SLC22A15: variants seen among roughly 807,000 people sequenced by gnomAD.
The protein encoded by SLC22A15 is flipt 1.
SLC22A15 carries 45 observed loss-of-function variants against 62.7 expected under a neutral mutation model. The observed-to-expected ratio is 0.72, with a 90% CI of 0.56 to 0.92. SLC22A15 has a LOEUF of 0.92. Ranked by LOEUF, SLC22A15 falls within the 40% of genes least tolerant of loss-of-function variation. The probability of loss-of-function intolerance (pLI) is 0.00; values close to 1 mark genes in which losing one functional copy is unlikely to be tolerated. For synonymous variants in SLC22A15, 264 were observed against 267.0 expected, an observed-to-expected ratio of 0.99 and a Z score of 0.11; for missense variants, 622 against 665.6, an observed-to-expected ratio of 0.93 and a Z score of 0.72.
At chr1:116,045,854 C>T (rs1657917665) in intron 8 of SLC22A15, among the ~76,000 whole-genome samples, 1 of 150,806 alleles carries the variant, frequency 6.6e-6, no homozygotes, top group African/African-American at 2.4e-5. Flanking sequence ...AATAGAACCA[C>T]ATATATGGTC....
chr1:116,052,412 A>G (rs1005387391), intron 8 of SLC22A15, among the ~76,000 whole-genome samples: 2 of 152,234 alleles, frequency 1.3e-5, no homozygotes, highest in African/African-American at 4.8e-5. Flanking sequence ...AACTGGGTGG[A>G]GCCCACCACA....
chr1:116,013,133 AC>A (rs531897980), intron 2 of SLC22A15, among the ~76,000 whole-genome samples: 16 of 152,044 alleles, frequency 1.1e-4, no homozygotes, highest in Admixed American at 1.3e-4. Flanking sequence ...TTTTCAACTT[AC>A]CATATTTTCA....
At chr1:116,036,308 C>T (rs953803152) in intron 7 of SLC22A15, among the ~76,000 whole-genome samples, 2 of 152,154 alleles carry the variant, frequency 1.3e-5, no homozygotes, top group Admixed American at 6.6e-5. Flanking sequence ...TATAAGGAAG[C>T]CGTCCATGGG....
intron 8 of SLC22A15, among the ~76,000 whole-genome samples, chr1:116,038,216 G>A (rs1657683785): frequency 6.6e-6 from 1 of 152,160 alleles, no homozygotes; most frequent in African/African-American, 2.4e-5. Context: ...ATAGGGTTCT[G>A]TTATGGAGCT....
At position 116,062,853 on chromosome 1, in the gene SLC22A15, C is replaced by T; in HGVS notation, c.1263C>T (p.Tyr421=). ...CTGCCTTTAACATTGTTTATATCTA[C>T]ACCTCTGAGCTTTACCCTACAGTCA... The part of the protein sequence containing the change: ...ISAAFNIVYI[Y]TSELYPTVIR... The change falls in exon 9 of 12, where the codon TAC becomes TAT. Residue 421 remains tyrosine (Y), a synonymous_variant. Transcript: ENST00000369503. The T allele has an allele frequency of 6.2e-7, 1 of 1,613,868 alleles. No homozygotes were observed. The highest frequency in any genetic ancestry group is 8.5e-7 in the Non-Finnish European group (1 of 1,179,770).
chr1:115,992,702 A>G (rs1192712054), intron 2 of SLC22A15, among the ~76,000 whole-genome samples: 1 of 150,340 alleles, frequency 6.7e-6, no homozygotes, highest in Non-Finnish European at 1.5e-5. Context: ...GCTCACTGCA[A>G]CCTCTGCCTC....
At chr1:116,060,868 C>A (rs1395582077) in intron 8 of SLC22A15, among the ~76,000 whole-genome samples, 1 of 152,158 alleles carries the variant, frequency 6.6e-6, no homozygotes, top group Non-Finnish European at 1.5e-5. Context: ...AATAGCCTGG[C>A]AGAAGAGTTT....
intron 2 of SLC22A15, among the ~76,000 whole-genome samples, chr1:116,004,700 T>C (rs1301908982): frequency 6.6e-6 from 1 of 152,242 alleles, no homozygotes; most frequent in Non-Finnish European, 1.5e-5. Context: ...ATAAAATGAA[T>C]TGGAAAGTGT....
At chr1:116,044,388 C>A (rs777685441) in intron 8 of SLC22A15, among the ~76,000 whole-genome samples, 1 of 152,170 alleles carries the variant, frequency 6.6e-6, no homozygotes, top group African/African-American at 2.4e-5. Flanking sequence ...CAGGAATTTT[C>A]TTAACTTGAT....
At position 116,067,160 on chromosome 1, in the gene SLC22A15, C is replaced by A; in HGVS notation, c.*52C>A. The A allele has an allele frequency of 7.1e-7, 1 of 1,412,092 alleles. No homozygotes were observed. Among genetic ancestry groups the A allele is most frequent in the Non-Finnish European group, 9.9e-7 (1 of 1,011,364 alleles). 87.5% of individuals were successfully genotyped at this position (1,412,092 alleles called of 1,614,324 possible). A position where few individuals can be genotyped will look rare whatever the true frequency, so the allele number is the denominator to read the frequency against. The stretch of plus-strand genomic sequence containing the variant: ...AAAGGATCGTCTTTTATGCCTCTGG[C>A]TAAGGCAGGTTCTTCCATGACTCCT... On this transcript the variant is annotated 3_prime_UTR_variant, in exon 12 of 12. Transcript: ENST00000369503.
At chr1:116,027,933 T>A (rs1657182986) in intron 5 of SLC22A15, among the ~76,000 whole-genome samples, 1 of 152,186 alleles carries the variant, frequency 6.6e-6, no homozygotes, top group South Asian at 2.1e-4. Flanking sequence ...CAGAATTTTT[T>A]AAGTGGTATA....
At chr1:116,011,182 G>A (rs1041065198) in intron 2 of SLC22A15, among the ~76,000 whole-genome samples, 1 of 152,174 alleles carries the variant, frequency 6.6e-6, no homozygotes, top group Admixed American at 6.5e-5. Context: ...TGGCTTGCAG[G>A]TTCCTTGATA....
At chr1:116,066,903 C>A in intron 11 of SLC22A15, 116 bp from the exon 12 acceptor site, 1 of 972,510 alleles carries the variant, frequency 1.0e-6, no homozygotes, top group South Asian at 1.6e-5. Flanking sequence ...GGGGCTATTT[C>A]TTGGGGGAAT....
chr1:115,976,603 G>A lies in SLC22A15; in HGVS notation c.-25G>A. 1.3e-6 allele frequency: 2 copies of A among 1,546,892 alleles called. No individual in the cohort carries two copies. Among genetic ancestry groups the A allele is most frequent in the Non-Finnish European group, 1.7e-6 (2 of 1,148,120 alleles). On this transcript the variant is annotated 5_prime_UTR_variant, in exon 1 of 12. Coordinates refer to ENST00000369503, the MANE Select transcript of SLC22A15 (RefSeq NM_018420.3). ...CAGCGCCTGAGAGGGCGGTGGGGTG[G>A]CGGGGTTCCTGCGCGCGGCCCGCCA...
rs1656792827 is a variant in SLC22A15, at chr1:116,020,835, C to T, written c.548C>T (p.Ala183Val). 1.2e-6 allele frequency: 2 copies of T among 1,613,546 alleles called. No homozygotes were observed. The highest frequency in any genetic ancestry group is 1.3e-5 in the African/African-American group (1 of 74,998). Residue 183 changes from alanine (A) to valine (V), a missense_variant, in exon 4 of 12, where the codon GCC (alanine) becomes GTC (valine). Physicochemically the swap from Ala to Val is moderately conservative, Grantham distance 64. Coordinates refer to ENST00000369503, the MANE Select transcript of SLC22A15 (RefSeq NM_018420.3). ...ATGAATGGAGGGATGTCGCTGGTGG[C>T]CTTTGTCTTGCTTAATGAATGTGTG... ...GMMNGGMSLVAFVLLNECVGT... is the reference protein window; with the variant it reads ...GMMNGGMSLVVFVLLNECVGT...
At position 116,040,455 on chromosome 1, in the gene SLC22A15, A is replaced by G. The variant is rs369894091; in HGVS notation, c.1171+3067A>G. Among the ~76,000 whole-genome samples, 593 of 152,330 alleles carry G rather than the reference A, an allele frequency of 3.9e-3. 2 individuals carry two copies. The highest frequency in any genetic ancestry group is 0.01 in the Middle Eastern group (3 of 294). ...TCTCTTTATATGCAGAAGGTATTAT[A>G]TATTATCCCCATTTTATAAGGAAGC... is the stretch of plus-strand genomic sequence containing the variant. On this transcript the variant is annotated intron_variant, in intron 8 of 11. Coordinates refer to ENST00000369503, the MANE Select transcript of SLC22A15 (RefSeq NM_018420.3).
intron 2 of SLC22A15, among the ~76,000 whole-genome samples, chr1:116,007,003 A>AT (rs1656015596): frequency 6.6e-6 from 1 of 151,952 alleles, no homozygotes; most frequent in African/African-American, 2.4e-5. Context: ...GTAGACTGGG[A>AT]TGTATATGTT....
chr1:116,027,103 T>C, intron 5 of SLC22A15, 81 bp downstream of exon 5: 1 of 1,387,322 alleles, frequency 7.2e-7, no homozygotes, highest in South Asian at 1.2e-5. Context: ...TGAGCAGCAT[T>C]ATTCCCTTTC....
chr1:115,992,343 A>T (rs1317431024), intron 2 of SLC22A15, 100 bp downstream of exon 2: 3 of 1,020,462 alleles, frequency 2.9e-6, no homozygotes, highest in Admixed American at 2.5e-5. Flanking sequence ...CACATTTTCA[A>T]ATAACTTTCT....
Sources: allele counts gnomAD v4.1 joint callset (sites outside exome capture counted in the v4.1 genomes callset), GRCh38; gene constraint gnomAD v4.1.1; transcripts MANE v1.5; gene names NCBI Gene and HGNC (gene_info 2026-07-23, HGNC 2026-07-21).